Variants in AGTPBP1 observed in about 807,000 individuals in gnomAD.
The protein encoded by AGTPBP1 is ATP/GTP binding carboxypeptidase 1.
In AGTPBP1, 70 loss-of-function variants were observed where a neutral mutation model predicts 143.9. The observed-to-expected ratio is 0.49, with a 90% CI of 0.40 to 0.59. The LOEUF (loss-of-function observed/expected upper bound fraction) is 0.59. AGTPBP1 is among the 20% of genes least tolerant of loss of function. AGTPBP1 has a pLI of 0.00. For synonymous variants in AGTPBP1, 463 were observed against 500.2 expected, an observed-to-expected ratio of 0.93 and a Z score of 0.99; for missense variants, 1,229 against 1,464.5, an observed-to-expected ratio of 0.84 and a Z score of 2.62.
intron 2 of AGTPBP1, among the ~76,000 whole-genome samples, chr9:85,709,650 A>C (rs886068606): frequency 2.6e-5 from 4 of 152,208 alleles, no homozygotes; most frequent in Non-Finnish European, 5.9e-5. Flanking sequence ...GAGAGAAAAC[A>C]AAAGTTAACA....
chr9:85,709,753 G>T (rs1344440416), intron 2 of AGTPBP1, among the ~76,000 whole-genome samples: 4 of 152,080 alleles, frequency 2.6e-5, no homozygotes, highest in African/African-American at 9.7e-5. Flanking sequence ...AGAATGAAAA[G>T]AATAAATTAG....
At position 85,632,905 on chromosome 9, in the gene AGTPBP1, T is replaced by C. The variant is rs1587785383; in HGVS notation, c.1772A>G (p.Lys591Arg). ...LFEGRTVQLGKLCCTGVETED... is the reference protein window; with the variant it reads ...LFEGRTVQLGRLCCTGVETED... The stretch of plus-strand genomic sequence containing the variant: ...AGTTTCAACTCCAGTGCAGCAAAGC[T>C]TCCCTAGCTGAACTGTTCTTCCCTC... The change falls in exon 14 of 26, where the codon AAG (lysine) becomes AGG (arginine). Residue 591 changes from lysine (K) to arginine (R), a missense_variant. By Grantham distance (26) the Lys-to-Arg change is conservative. Coordinates refer to ENST00000357081, the MANE Select transcript of AGTPBP1 (RefSeq NM_001330701.2). 5 of 1,614,140 alleles carry C rather than the reference T, an allele frequency of 3.1e-6. No homozygotes were observed. The East Asian group carries it at 1.1e-4, about 36-fold the overall frequency.
chr9:85,620,544 A>G (rs1434613834), intron 15 of AGTPBP1, among the ~76,000 whole-genome samples: 1 of 152,152 alleles, frequency 6.6e-6, no homozygotes. Context: ...TGAATTTCTC[A>G]TATGAGAAGG....
chr9:85,616,434 T>C (rs1830605498), intron 17 of AGTPBP1, among the ~76,000 whole-genome samples: 1 of 151,986 alleles, frequency 6.6e-6, no homozygotes, highest in Non-Finnish European at 1.5e-5. Context: ...AGAGAAGCAT[T>C]GCTCCAAAAT....
At chr9:85,625,786 G>A (rs1490679292) in intron 14 of AGTPBP1, among the ~76,000 whole-genome samples, 1 of 151,532 alleles carries the variant, frequency 6.6e-6, no homozygotes, top group African/African-American at 2.4e-5. Flanking sequence ...TTGGGAGGCT[G>A]AGGCAAGAGA....
At chr9:85,625,266 C>T (rs1335051689) in intron 14 of AGTPBP1, among the ~76,000 whole-genome samples, 1 of 152,218 alleles carries the variant, frequency 6.6e-6, no homozygotes, top group Non-Finnish European at 1.5e-5. Context: ...CTGACATTCC[C>T]TCAATTGAGA....
chr9:85,613,683 C>A (rs1830448046), intron 17 of AGTPBP1, among the ~76,000 whole-genome samples: 1 of 151,996 alleles, frequency 6.6e-6, no homozygotes, highest in Non-Finnish European at 1.5e-5. Flanking sequence ...TTGCAAATTT[C>A]ATTAAAACAT....
the AGTPBP1 span, among the ~76,000 whole-genome samples, chr9:85,801,595 GA>G: frequency 1.3e-5 from 2 of 152,006 alleles, no homozygotes; most frequent in Admixed American, 1.3e-4. Flanking sequence ...ATTTAAATTG[GA>G]AAACCTGGCA....
chr9:85,742,530 C>A (rs1393420201), upstream of AGTPBP1, among the ~76,000 whole-genome samples: 1 of 152,158 alleles, frequency 6.6e-6, no homozygotes, highest in Non-Finnish European at 1.5e-5. Context: ...TACAATCGGG[C>A]TCCCAGAAAA....
At chr9:85,707,499 A>G (rs1407805296) in intron 2 of AGTPBP1, among the ~76,000 whole-genome samples, 1 of 150,898 alleles carries the variant, frequency 6.6e-6, no homozygotes, top group Non-Finnish European at 1.5e-5. Flanking sequence ...GCTGATTGAG[A>G]AAAAAAAACA....
intron 13 of AGTPBP1, among the ~76,000 whole-genome samples, chr9:85,634,380 T>A (rs1451688534): frequency 6.6e-6 from 1 of 151,978 alleles, no homozygotes; most frequent in Admixed American, 6.6e-5. Context: ...CAGAGAGGAC[T>A]AGAGCACATA....
rs185599469 is a variant in AGTPBP1, at chr9:85,705,791, C to T, written c.32+6711G>A. Among the ~76,000 whole-genome samples the T allele has an allele frequency of 1.5e-3, 227 of 152,056 alleles. 1 individual carries two copies. Among genetic ancestry groups the T allele is most frequent in the Middle Eastern group, 3.4e-3 (1 of 292 alleles). ...CTGCAAGCTCCACCTTCCGGGTTCA[C>T]GCTATTCTCCTGCCTCAGCCTCCCG... On this transcript the variant is annotated intron_variant, in intron 2 of 25. Coordinates refer to ENST00000357081, the MANE Select transcript of AGTPBP1 (RefSeq NM_001330701.2).
chr9:85,778,808 G>GT, the AGTPBP1 span, among the ~76,000 whole-genome samples: 18 of 152,270 alleles, frequency 1.2e-4, no homozygotes, highest in African/African-American at 4.3e-4. Context: ...TCTTTCATCA[G>GT]TTTGTCCACT....
intron 13 of AGTPBP1, among the ~76,000 whole-genome samples, chr9:85,638,099 G>A (rs1832196026): frequency 6.7e-6 from 1 of 148,762 alleles, no homozygotes; most frequent in Non-Finnish European, 1.5e-5. Flanking sequence ...TGACGTTACT[G>A]CTTTGCTTTT....
At chr9:85,649,997 C>T (rs1454675608) in intron 11 of AGTPBP1, among the ~76,000 whole-genome samples, 1 of 145,204 alleles carries the variant, frequency 6.9e-6, no homozygotes, top group Non-Finnish European at 1.5e-5. Context: ...TCAGATTAAT[C>T]TTACCAGATT....
At chr9:85,721,228 C>T (rs1039025586) in intron 1 of AGTPBP1, among the ~76,000 whole-genome samples, 3 of 152,066 alleles carry the variant, frequency 2.0e-5, no homozygotes, top group African/African-American at 4.8e-5. Context: ...CCTTGTTAAC[C>T]TTCTGTCTCA....
the AGTPBP1 span, among the ~76,000 whole-genome samples, chr9:85,759,524 G>A: frequency 1.3e-5 from 2 of 151,920 alleles, no homozygotes; most frequent in African/African-American, 4.8e-5. Flanking sequence ...AATGACTACT[G>A]GGTACATAAC....
intron 14 of AGTPBP1, among the ~76,000 whole-genome samples, chr9:85,623,825 T>C (rs1291971777): frequency 6.6e-6 from 1 of 152,046 alleles, no homozygotes; most frequent in African/African-American, 2.4e-5. Flanking sequence ...AGATCAACTT[T>C]TATAGAAGAA....
intron 1 of AGTPBP1, among the ~76,000 whole-genome samples, chr9:85,721,764 AT>A (rs1838139754): frequency 6.6e-6 from 1 of 152,138 alleles, no homozygotes; most frequent in African/African-American, 2.4e-5. Flanking sequence ...TCTTCATAGC[AT>A]TGATGGTCTT....
Sources: allele counts gnomAD v4.1 joint callset (sites outside exome capture counted in the v4.1 genomes callset), GRCh38; gene constraint gnomAD v4.1.1; transcripts MANE v1.5; gene names NCBI Gene and HGNC (gene_info 2026-07-23, HGNC 2026-07-21).